The following PBX1 variants were observed in gnomAD, a reference collection of about 807,000 sequenced individuals.
PBX1 encodes PBX homeobox 1, also known as pre-B-cell leukemia transcription factor 1.
A neutral mutation model predicts 53.4 loss-of-function variants in PBX1; 6 were observed. The ratio of observed to expected loss-of-function variants is 0.11; its 90% confidence interval spans 0.06 to 0.22. The LOEUF (loss-of-function observed/expected upper bound fraction) is 0.22. Ranked by LOEUF, PBX1 falls within the 10% of genes least tolerant of loss-of-function variation. The pLI is 1.00. For synonymous variants in PBX1, 204 were observed against 212.3 expected (o/e 0.96, Z 0.34); for missense variants, 251 against 551.4 (o/e 0.46, Z 5.46).
intron 2 of PBX1, among the ~76,000 whole-genome samples, chr1:164,776,987 G>C (rs576557120): frequency 7.1e-6 from 1 of 141,702 alleles, no homozygotes; most frequent in Non-Finnish European, 1.5e-5. Flanking sequence ...GAGGAGGTGT[G>C]GGGGGGCGGG....
chr1:164,587,177 C>T (rs1655007336), intron 2 of PBX1, among the ~76,000 whole-genome samples: 1 of 152,138 alleles, frequency 6.6e-6, no homozygotes, highest in Admixed American at 6.5e-5. Flanking sequence ...GTAAGATGTA[C>T]TGCTATCTTT....
chr1:164,784,596 A>G (rs1345615978), intron 2 of PBX1, among the ~76,000 whole-genome samples: 1 of 152,246 alleles, frequency 6.6e-6, no homozygotes, highest in Non-Finnish European at 1.5e-5. Context: ...CAAGAGTGTC[A>G]TATAATTTTG....
chr1:164,856,114 A>G (rs189540064), downstream of PBX1, among the ~76,000 whole-genome samples: 6 of 152,218 alleles, frequency 3.9e-5, no homozygotes, highest in East Asian at 9.7e-4. Flanking sequence ...CTTTGTCTCA[A>G]TTGGAGTCAA....
rs1326156659 is a variant in PBX1, at chr1:164,849,426, A to G, written c.*2750A>G. 3.3e-6 allele frequency: 5 copies of G among 1,535,498 alleles called. No homozygotes were observed. The highest frequency in any genetic ancestry group is 3.5e-6 in the Non-Finnish European group (4 of 1,146,694). ...GAGATCTGTCCACATTAGGCGAAGCAGGAGAACACTGAGAGCAGCAGGATG... is the reference window on the plus strand; with the variant it reads ...GAGATCTGTCCACATTAGGCGAAGCGGGAGAACACTGAGAGCAGCAGGATG... On this transcript the variant is annotated 3_prime_UTR_variant, in exon 9 of 9. Transcript: ENST00000420696.
At chr1:164,578,522 T>C (rs1440732158) in intron 2 of PBX1, among the ~76,000 whole-genome samples, 1 of 152,218 alleles carries the variant, frequency 6.6e-6, no homozygotes, top group Non-Finnish European at 1.5e-5. Context: ...ACTTCTCCCA[T>C]GCCTGAAGTG....
chr1:164,660,711 G>T (rs1660438195), intron 2 of PBX1, among the ~76,000 whole-genome samples: 1 of 152,152 alleles, frequency 6.6e-6, no homozygotes, highest in Non-Finnish European at 1.5e-5. Context: ...CTTGACTACA[G>T]CTCTTCAGTG....
At chr1:164,622,089 CT>C (rs1212025377) in intron 2 of PBX1, among the ~76,000 whole-genome samples, 10 of 152,324 alleles carry the variant, frequency 6.6e-5, no homozygotes, top group African/African-American at 2.4e-4. Flanking sequence ...TTGACATTGG[CT>C]GTAATCCTTG....
At chr1:164,740,328 G>A (rs1360234815) in intron 2 of PBX1, among the ~76,000 whole-genome samples, 1 of 151,378 alleles carries the variant, frequency 6.6e-6, no homozygotes, top group East Asian at 1.9e-4. Flanking sequence ...CAAAGAATAT[G>A]ATGCAATAAA....
intron 2 of PBX1, among the ~76,000 whole-genome samples, chr1:164,687,614 A>C (rs1345393003): frequency 6.7e-6 from 1 of 150,124 alleles, no homozygotes; most frequent in Non-Finnish European, 1.5e-5. Flanking sequence ...CTTCTGGTCC[A>C]CTTGTACTGG....
intron 2 of PBX1, among the ~76,000 whole-genome samples, chr1:164,685,818 G>A (rs1033106541): frequency 3.3e-5 from 5 of 152,160 alleles, no homozygotes; most frequent in African/African-American, 1.2e-4. Flanking sequence ...GACTCCAAAG[G>A]CTAAGTGCAT....
chr1:164,573,344 A>G (rs1654000789), intron 2 of PBX1, among the ~76,000 whole-genome samples: 1 of 152,158 alleles, frequency 6.6e-6, no homozygotes, highest in Non-Finnish European at 1.5e-5. Context: ...TTTTAATAAT[A>G]CATCTTATTT....
intron 2 of PBX1, among the ~76,000 whole-genome samples, chr1:164,649,046 G>A (rs1344938224): frequency 6.6e-6 from 1 of 152,034 alleles, no homozygotes; most frequent in African/African-American, 2.4e-5. Context: ...GGGTTACTTT[G>A]TGTTCATTCT....
In PBX1 at chr1:164,846,610, T is replaced by C; in HGVS notation, c.1227T>C (p.Thr409=). 1 of 1,614,130 alleles carries C rather than the reference T, an allele frequency of 6.2e-7. No individual in the cohort carries two copies. The highest frequency in any genetic ancestry group is 8.5e-7 in the Non-Finnish European group (1 of 1,179,980). Residue 409 remains threonine (T), a synonymous_variant, in exon 9 of 9, where the codon ACT becomes ACC. Coordinates refer to ENST00000420696, the MANE Select transcript of PBX1 (RefSeq NM_002585.4). ...ISANGGWQDA[T]TPSSVTSPTE... Reference sequence around the variant, plus strand: ...CTAATGGAGGTTGGCAGGATGCTACTACCCCTTCATCAGTGACCTCCCCTA... The same window carrying C: ...CTAATGGAGGTTGGCAGGATGCTACCACCCCTTCATCAGTGACCTCCCCTA...
chr1:164,750,057 A>T (rs1209759546), intron 2 of PBX1, among the ~76,000 whole-genome samples: 1 of 151,710 alleles, frequency 6.6e-6, no homozygotes, highest in Non-Finnish European at 1.5e-5. Flanking sequence ...CTATGATTAT[A>T]CTGCACATTA....
At chr1:164,669,061 G>T (rs753868081) in intron 2 of PBX1, among the ~76,000 whole-genome samples, 49 of 151,812 alleles carry the variant, frequency 3.2e-4, no homozygotes, top group Non-Finnish European at 5.9e-4. Context: ...GAATATAAAG[G>T]GGGTAACATT....
intron 2 of PBX1, among the ~76,000 whole-genome samples, chr1:164,672,996 G>T (rs907500711): frequency 6.6e-6 from 1 of 151,880 alleles, no homozygotes; most frequent in Admixed American, 6.6e-5. Context: ...AATTGTACTT[G>T]ACTGAAAAGG....
chr1:164,646,277 G>A (rs542316808), intron 2 of PBX1, among the ~76,000 whole-genome samples: 7 of 152,216 alleles, frequency 4.6e-5, no homozygotes, highest in Non-Finnish European at 8.8e-5. Flanking sequence ...AATCCTCACC[G>A]CATCTATGTT....
intron 2 of PBX1, among the ~76,000 whole-genome samples, chr1:164,648,248 G>A (rs1659585617): frequency 6.6e-6 from 1 of 152,190 alleles, no homozygotes; most frequent in African/African-American, 2.4e-5. Flanking sequence ...TGATTTAAGT[G>A]TTTCCAATTA....
chr1:164,841,347 AT>A (rs1310220118), intron 8 of PBX1, among the ~76,000 whole-genome samples: 1 of 152,160 alleles, frequency 6.6e-6, no homozygotes, highest in African/African-American at 2.4e-5. Context: ...AATGTAAATA[AT>A]TGTGTTGATA....
Sources: allele counts gnomAD v4.1 joint callset (sites outside exome capture counted in the v4.1 genomes callset), GRCh38; gene constraint gnomAD v4.1.1; transcripts MANE v1.5; gene names NCBI Gene and HGNC (gene_info 2026-07-23, HGNC 2026-07-21).